LANCL3: variants seen among roughly 807,000 people sequenced by gnomAD.
LANCL3 encodes lanC-like protein 3.
LANCL3 carries 19 observed loss-of-function variants against 26.5 expected under a neutral mutation model. The ratio of observed to expected loss-of-function variants is 0.72; its 90% CI spans 0.50 to 1.05. The LOEUF (loss-of-function observed/expected upper bound fraction) is 1.05, where lower values mean the gene tolerates loss of function less well. Ranked by LOEUF, LANCL3 falls within the 50% of genes least tolerant of loss-of-function variation. LANCL3 has a pLI of 0.00. For missense variants in LANCL3, 318 were observed against 362.7 expected (o/e 0.88, Z 1.00); for synonymous variants, 160 against 166.6 (o/e 0.96, Z 0.30).
chrX:37,579,716 G>A (rs1224412440), intron 1 of LANCL3, among the ~76,000 whole-genome samples: 1 of 111,607 alleles, frequency 9.0e-6, no homozygotes, highest in Non-Finnish European at 1.9e-5. Flanking sequence ...TAATATATAT[G>A]TGTGTATATG....
chrX:37,662,323 C>T (rs985071425), intron 3 of LANCL3, among the ~76,000 whole-genome samples: 2 of 112,269 alleles, frequency 1.8e-5, no homozygotes, highest in South Asian at 3.7e-4. Context: ...AACTCTCAAC[C>T]GCATTAGGTT....
chrX:37,636,801 GTTAC>G (rs1202820821), intron 1 of LANCL3, among the ~76,000 whole-genome samples: 6 of 111,884 alleles, frequency 5.4e-5, no homozygotes, highest in Non-Finnish European at 1.1e-4. Context: ...TTTGCACTTG[GTTAC>G]TTAAACACTT....
chrX:37,573,726 T>C, intron 1 of LANCL3, among the ~76,000 whole-genome samples: 1 of 111,830 alleles, frequency 8.9e-6, no homozygotes, highest in Admixed American at 9.5e-5. Context: ...CCCCTCACCT[T>C]GTAGTCTGGC....
At chrX:37,640,169 T>C (rs1556425797) in intron 1 of LANCL3, among the ~76,000 whole-genome samples, 1 of 112,336 alleles carries the variant, frequency 8.9e-6, no homozygotes, top group African/African-American at 3.2e-5. Context: ...TATTAGGCTG[T>C]TTTCACACTG....
At chrX:37,626,673 C>T in intron 1 of LANCL3, among the ~76,000 whole-genome samples, 1 of 111,505 alleles carries the variant, frequency 9.0e-6, no homozygotes. Flanking sequence ...CTGAAGACTT[C>T]AAGATAGTTT....
intron 1 of LANCL3, among the ~76,000 whole-genome samples, chrX:37,596,877 G>T (rs903858410): frequency 7.2e-5 from 8 of 111,550 alleles, no homozygotes; most frequent in Non-Finnish European, 1.5e-4. Flanking sequence ...CAGTTCAATG[G>T]TTTTAATATG....
chrX:37,623,610 G>C (rs1375622569), intron 1 of LANCL3, among the ~76,000 whole-genome samples: 3 of 112,011 alleles, frequency 2.7e-5, no homozygotes, highest in Admixed American at 9.4e-5. Context: ...TTTTAGTACT[G>C]TTCAATTATT....
intron 4 of LANCL3, among the ~76,000 whole-genome samples, chrX:37,669,029 A>G (rs1269592068): frequency 2.7e-5 from 3 of 112,052 alleles, no homozygotes; most frequent in Non-Finnish European, 5.6e-5. Flanking sequence ...AGTAACTGCA[A>G]TGTAAATGTT....
chrX:37,614,397 G>T (rs1924955661), intron 1 of LANCL3, among the ~76,000 whole-genome samples: 1 of 111,848 alleles, frequency 8.9e-6, no homozygotes, highest in South Asian at 3.7e-4. Flanking sequence ...CACCACTGCG[G>T]GACACATTTT....
chrX:37,628,909 C>T (rs1280528825), intron 1 of LANCL3, among the ~76,000 whole-genome samples: 3 of 110,467 alleles, frequency 2.7e-5, no homozygotes, highest in African/African-American at 6.6e-5. Flanking sequence ...AATAAACATA[C>T]GTGTGCATGT....
At chrX:37,595,183 G>A (rs1924392221) in intron 1 of LANCL3, among the ~76,000 whole-genome samples, 1 of 111,629 alleles carries the variant, frequency 9.0e-6, no homozygotes, top group Non-Finnish European at 1.9e-5. Context: ...AATTGCCACT[G>A]CCTTTTTACT....
rs782083098 is a variant in LANCL3 at position 37,591,532 on chromosome X, G to T, written c.573+19089G>T. The stretch of plus-strand genomic sequence containing the variant: ...AGATGTGGATTAATATGGAATTGTT[G>T]ATTAAGGAAGTGTTCCAAGGAGAAA... On this transcript the variant is annotated intron_variant, in intron 1 of 4. Coordinates refer to ENST00000378619, the MANE Select transcript of LANCL3 (RefSeq NM_001170331.2). Among the ~76,000 whole-genome samples the T allele has an allele frequency of 1.3e-3, 141 of 111,355 alleles. 1 individual carries two copies. The highest frequency in any genetic ancestry group is 4.7e-3 in the Middle Eastern group (1 of 213).
rs1373153097 is a variant in LANCL3 at position 37,590,939 on chromosome X, C to T, written c.573+18496C>T. Among the ~76,000 whole-genome samples, 3 of 111,820 alleles carry T rather than the reference C, an allele frequency of 2.7e-5. No homozygotes were observed. In the Admixed American group the frequency reaches 2.9e-4, roughly 11 times the overall value. ...TGCTGCTGGTCTGGGGAATACATTT[C>T]GAGAACGAATTTCTTAGACTGTACC... On this transcript the variant is annotated intron_variant, in intron 1 of 4. Coordinates refer to ENST00000378619, the MANE Select transcript of LANCL3 (RefSeq NM_001170331.2).
intron 1 of LANCL3, among the ~76,000 whole-genome samples, chrX:37,585,813 T>C (rs1440654108): frequency 7.1e-5 from 8 of 111,950 alleles, no homozygotes; most frequent in Non-Finnish European, 1.5e-4. Flanking sequence ...GTTAATATTG[T>C]TATGTGTGAA....
At chrX:37,575,828 A>T (rs1335740448) in intron 1 of LANCL3, among the ~76,000 whole-genome samples, 1 of 112,010 alleles carries the variant, frequency 8.9e-6, no homozygotes, top group Non-Finnish European at 1.9e-5. Context: ...CCATTCTATG[A>T]AGCTTGATAT....
chrX:37,664,869 C>T (rs1556433424), intron 3 of LANCL3, among the ~76,000 whole-genome samples: 1 of 111,760 alleles, frequency 8.9e-6, no homozygotes, highest in Non-Finnish European at 1.9e-5. Flanking sequence ...CCTCCAGCAC[C>T]ATCCATGTTC....
intron 1 of LANCL3, among the ~76,000 whole-genome samples, chrX:37,609,704 CT>C (rs1924815249): frequency 9.0e-6 from 1 of 110,758 alleles, no homozygotes; most frequent in South Asian, 3.9e-4. Context: ...AAAAAAACCC[CT>C]ATATGTATAG....
At chrX:37,587,875 C>T (rs1556418315) in intron 1 of LANCL3, among the ~76,000 whole-genome samples, 1 of 112,365 alleles carries the variant, frequency 8.9e-6, no homozygotes, top group East Asian at 2.8e-4. Context: ...AATCACCCAT[C>T]TTCTGCATCT....
chrX:37,610,441 A>G (rs1013034798), intron 1 of LANCL3, among the ~76,000 whole-genome samples: 7 of 111,840 alleles, frequency 6.3e-5, no homozygotes, highest in Non-Finnish European at 1.3e-4. Context: ...TTTTGTAGCC[A>G]TTTTTGGATA....
Sources: allele counts gnomAD v4.1 joint callset (sites outside exome capture counted in the v4.1 genomes callset), GRCh38; gene constraint gnomAD v4.1.1; transcripts MANE v1.5; gene names NCBI Gene and HGNC (gene_info 2026-07-23, HGNC 2026-07-21).